TGFA: variants seen among roughly 807,000 people sequenced by gnomAD.
TGFA encodes transforming growth factor alpha.
TGFA carries 12 observed loss-of-function variants against 21.7 expected under a neutral mutation model. The ratio of observed to expected loss-of-function variants is 0.55; its 90% CI spans 0.35 to 0.90. The LOEUF is 0.90. Ranked by LOEUF, TGFA falls within the 40% of genes least tolerant of loss-of-function variation. The pLI is 0.01. For missense variants in TGFA, 178 were observed against 210.8 expected (o/e 0.84, Z 0.96); for synonymous variants, 79 against 88.1 (o/e 0.90, Z 0.58).
intron 1 of TGFA, among the ~76,000 whole-genome samples, chr2:70,534,682 A>G (rs1247869794): frequency 1.4e-5 from 2 of 143,602 alleles, no homozygotes; most frequent in Admixed American, 6.8e-5. Context: ...GGAAAAAACC[A>G]CTCTACCATA....
chr2:70,547,095 T>C (rs1553506016), intron 1 of TGFA, among the ~76,000 whole-genome samples: 1 of 152,236 alleles, frequency 6.6e-6, no homozygotes, highest in African/African-American at 2.4e-5. Flanking sequence ...TATGCCCACT[T>C]AAAATTTGTA....
At chr2:70,501,178 T>C (rs1157240801) in intron 2 of TGFA, among the ~76,000 whole-genome samples, 2 of 152,186 alleles carry the variant, frequency 1.3e-5, no homozygotes, top group Admixed American at 6.5e-5. Flanking sequence ...TATACTTATA[T>C]TGGAACATGT....
chr2:70,521,025 C>A (rs552327586), intron 1 of TGFA, among the ~76,000 whole-genome samples: 2 of 152,066 alleles, frequency 1.3e-5, no homozygotes, highest in Non-Finnish European at 2.9e-5. Context: ...CTGTTACTGC[C>A]CCAATTCAGG....
chr2:70,453,167 G>A, intron 5 of TGFA, 51 bp downstream of exon 5: 1 of 1,509,624 alleles, frequency 6.6e-7, no homozygotes, highest in East Asian at 2.3e-5. Context: ...TGGAGAAGGT[G>A]GTCGTTTTCT....
chr2:70,513,600 A>G (rs1245779733), intron 2 of TGFA, among the ~76,000 whole-genome samples: 1 of 152,212 alleles, frequency 6.6e-6, no homozygotes, highest in Non-Finnish European at 1.5e-5. Context: ...GTCCAAGCGC[A>G]TCAAGGATAA....
In TGFA at chr2:70,485,226, A is replaced by G. The variant is rs921697653; in HGVS notation, c.95-19490T>C. Among the ~76,000 whole-genome samples the G allele has an allele frequency of 6.6e-5, 10 of 151,974 alleles. 1 individual carries two copies. In the East Asian group the frequency reaches 1.9e-3, roughly 29 times the overall value. On this transcript the variant is annotated intron_variant, in intron 2 of 5. Transcript: ENST00000295400. ...TCACCCTTCCTAAATTGATACGCCT[A>G]CCTTCACAGTCATCCCCCCCCTTTC...
chr2:70,476,960 AAG>A (rs1670952775), intron 2 of TGFA, among the ~76,000 whole-genome samples: 1 of 152,234 alleles, frequency 6.6e-6, no homozygotes, highest in Admixed American at 6.5e-5. Context: ...GCTGAGATGT[AAG>A]AGAGTGGTCG....
intron 2 of TGFA, among the ~76,000 whole-genome samples, chr2:70,498,830 C>T (rs571039245): frequency 5.9e-5 from 9 of 152,216 alleles, no homozygotes; most frequent in African/African-American, 2.2e-4. Flanking sequence ...CATGCAAAAC[C>T]AGATTCGGTC....
At chr2:70,474,902 G>C (rs1670874316) in intron 2 of TGFA, among the ~76,000 whole-genome samples, 1 of 151,910 alleles carries the variant, frequency 6.6e-6, no homozygotes. Flanking sequence ...CAAAGATATT[G>C]GTAAAGAAAC....
rs141922988 is a variant in TGFA at position 70,472,459 on chromosome 2, T to G, written c.95-6723A>C. Among the ~76,000 whole-genome samples, 65 of 152,242 alleles carry G rather than the reference T, an allele frequency of 4.3e-4. 2 individuals are homozygous for G. The East Asian group carries it at 6.8e-3, about 16-fold the overall frequency. ...ACACCACTGCTCTCTGGGGAAGCTGTGAAAGCTTTGCCTAGAGACCACAGA... is the reference window on the plus strand; with the variant it reads ...ACACCACTGCTCTCTGGGGAAGCTGGGAAAGCTTTGCCTAGAGACCACAGA... On this transcript the variant is annotated intron_variant, in intron 2 of 5. Transcript: ENST00000295400.
In TGFA at chr2:70,521,721, T is replaced by A. The variant is rs373931747; in HGVS notation, c.41-6809A>T. Among the ~76,000 whole-genome samples, 5 of 148,476 alleles carry A rather than the reference T, an allele frequency of 3.4e-5. No homozygotes were observed. In the East Asian group the frequency reaches 6.2e-4, roughly 18 times the overall value. ...CCTCTGCCTTCCGAATTCAAGCGAT[T>A]CTTCTGCCTCCGCCTCCCGAGTAGC... is the stretch of plus-strand genomic sequence containing the variant. On this transcript the variant is annotated intron_variant, in intron 1 of 5. Transcript: ENST00000295400.
rs541395444 is a variant in TGFA, at chr2:70,458,365, G to C, written c.216-1877C>G. Among the ~76,000 whole-genome samples the C allele has an allele frequency of 4.6e-5, 7 of 152,234 alleles. No individual in the cohort carries two copies. The Middle Eastern group carries it at 0.017, about 370-fold the overall frequency. ...ACCCAGATGGCTCTCCAACCTTCCA[G>C]ATGGGGTCCCTGAATCGTGCACTTC... On this transcript the variant is annotated intron_variant, in intron 3 of 5. Transcript: ENST00000295400.
intron 1 of TGFA, among the ~76,000 whole-genome samples, chr2:70,531,051 C>T (rs557841284): frequency 3.9e-5 from 6 of 152,306 alleles, no homozygotes; most frequent in East Asian, 1.9e-4. Flanking sequence ...GCTGGCTGCT[C>T]GGGCAGGAGC....
At chr2:70,534,565 G>A (rs1672917122) in intron 1 of TGFA, among the ~76,000 whole-genome samples, 1 of 152,064 alleles carries the variant, frequency 6.6e-6, no homozygotes, top group South Asian at 2.1e-4. Flanking sequence ...AAGCAAACAA[G>A]CCCCCACCAA....
chr2:70,532,495 A>C (rs1357366242), intron 1 of TGFA, among the ~76,000 whole-genome samples: 6 of 152,232 alleles, frequency 3.9e-5, no homozygotes, highest in Non-Finnish European at 8.8e-5. Flanking sequence ...AGGAGCATGC[A>C]CACAAAGATA....
chr2:70,544,370 G>A (rs782639302), intron 1 of TGFA, among the ~76,000 whole-genome samples: 2 of 151,646 alleles, frequency 1.3e-5, no homozygotes, highest in Non-Finnish European at 2.9e-5. Context: ...AAAGGAAGGA[G>A]GCAAAGTTAT....
Position 70,515,041 on chromosome 2 carries a change from T to G in TGFA, c.41-129A>C, listed in dbSNP as rs10198315. On this transcript the variant is annotated intron_variant, in intron 1 of 5. Coordinates refer to ENST00000295400, the MANE Select transcript of TGFA (RefSeq NM_003236.4). ...TTCACAGAGTGGCCGGTAGACAGGC[T>G]CAGCTACATAATTTGTGGATATCAG... The G allele has an allele frequency of 0.021, 15,305 of 746,376 alleles. 1,705 individuals carry two copies. In the African/African-American group the frequency reaches 0.24, roughly 12 times the overall value. 46.2% of individuals were successfully genotyped at this position (746,376 alleles called of 1,614,324 possible). A position where few individuals can be genotyped will look rare whatever the true frequency, so the allele number is the denominator to read the frequency against.
At chr2:70,489,017 G>C (rs1671348147) in intron 2 of TGFA, among the ~76,000 whole-genome samples, 1 of 152,182 alleles carries the variant, frequency 6.6e-6, no homozygotes, top group Admixed American at 6.5e-5. Context: ...GTGTTCCAGG[G>C]CTGGAAAGAT....
intron 1 of TGFA, among the ~76,000 whole-genome samples, chr2:70,543,269 C>T (rs782753543): frequency 6.0e-5 from 9 of 150,712 alleles, no homozygotes; most frequent in Non-Finnish European, 1.2e-4. Flanking sequence ...GGCTCATGCC[C>T]GTAATCCCAG....
Sources: allele counts gnomAD v4.1 joint callset (sites outside exome capture counted in the v4.1 genomes callset), GRCh38; gene constraint gnomAD v4.1.1; transcripts MANE v1.5; gene names NCBI Gene and HGNC (gene_info 2026-07-23, HGNC 2026-07-21).